The following SBK2 variants were observed in gnomAD, a reference collection of about 807,000 sequenced individuals.
SBK2 encodes SH3 domain binding kinase family member 2.
A neutral mutation model predicts 15.9 loss-of-function variants in SBK2; 18 were observed. The observed-to-expected ratio is 1.13, with a 90% CI of 0.78 to 1.68. The LOEUF (loss-of-function observed/expected upper bound fraction) is 1.68, where lower values mean the gene tolerates loss of function less well. Ranked by LOEUF, SBK2 falls within the 40% of genes most tolerant of loss-of-function variation. The probability of loss-of-function intolerance (pLI) is 0.00; values close to 1 mark genes in which losing one functional copy is unlikely to be tolerated. For missense variants in SBK2, 581 were observed against 510.9 expected, an observed-to-expected ratio of 1.14 and a Z score of -1.32; for synonymous variants, 284 against 246.8, an observed-to-expected ratio of 1.15 and a Z score of -1.41.
rs1261780326 is a variant in SBK2, at chr19:55,536,129, C to T, written c.166G>A (p.Ala56Thr). Residue 56 changes from alanine (A) to threonine (T), a missense_variant, in exon 2 of 4, where the codon GCC (alanine) becomes ACC (threonine). By Grantham distance (58) the Ala-to-Thr change is moderately conservative. Transcript: ENST00000413299. ...TCCTCGTAGAGCTCGTCCACCTCGG[C>T]TCGGACCAGGGTCTGAGCACTCAGC... ...MTLSAQTLVR[A>T]EVDELYEEVR... 3 of 1,569,210 alleles carry T rather than the reference C, an allele frequency of 1.9e-6. No homozygotes were observed. Among genetic ancestry groups the T allele is most frequent in the Non-Finnish European group, 2.6e-6 (3 of 1,156,932 alleles).
At position 55,530,187 on chromosome 19, in the gene SBK2, C is replaced by T; in HGVS notation, c.593G>A (p.Arg198His). ...GTGGCCGAAGTCGGTCAGCTTGAAG[C>T]GCCGGCAGGCCGGGTCGCACACCAG... ...NVLVCDPACR[R>H]FKLTDFGHTR... The change falls in exon 4 of 4, where the codon CGC becomes CAC. Residue 198 changes from arginine (R) to histidine (H), a missense_variant. Arg to His is a conservative substitution (Grantham distance 29). Coordinates refer to ENST00000413299, the MANE Select transcript of SBK2 (RefSeq NM_001370096.2). The T allele has an allele frequency of 6.5e-7, 1 of 1,531,930 alleles. No homozygotes were observed. 94.9% of individuals were successfully genotyped at this position (1,531,930 alleles called of 1,614,324 possible). A position where few individuals can be genotyped will look rare whatever the true frequency, so the allele number is the denominator to read the frequency against.
rs529829655 is a variant in SBK2 at position 55,530,031 on chromosome 19, C to T, written c.749G>A (p.Gly250Asp). The T allele has an allele frequency of 1.2e-4, 178 of 1,497,206 alleles. No homozygotes were observed. In the African/African-American group the frequency reaches 2.4e-3, roughly 20 times the overall value. The allele number at this position is 1,497,206 out of a possible 1,614,324, so 92.7% of individuals were successfully genotyped here. A position where few individuals can be genotyped will look rare whatever the true frequency, so the allele number is the denominator to read the frequency against. ...CGTGAGGAGGCAGAAGAGCAGGACG[C>T]CCAGCGCCCAGGCGTCCAGGGCGGG... Reference protein sequence around the residue: ...IQPALDAWALGVLLFCLLTGY... With the variant: ...IQPALDAWALDVLLFCLLTGY... The change falls in exon 4 of 4, where the codon GGC becomes GAC. Residue 250 changes from glycine to aspartate, a missense_variant. Transcript: ENST00000413299.
intron 2 of SBK2, among the ~76,000 whole-genome samples, chr19:55,533,347 A>G (rs1020357749): frequency 6.0e-5 from 9 of 149,246 alleles, no homozygotes; most frequent in African/African-American, 2.2e-4. Flanking sequence ...AAAAAGAAAA[A>G]AAAGGAAAAG....
chr19:55,531,908 G>A (rs1259452453), intron 2 of SBK2, among the ~76,000 whole-genome samples: 1 of 152,066 alleles, frequency 6.6e-6, no homozygotes, highest in East Asian at 1.9e-4. Context: ...GAACCCAGGA[G>A]GCAGAGGTTG....
intron 3 of SBK2, 100 bp from the exon 4 acceptor site, chr19:55,530,423 C>CGGT: frequency 8.7e-7 from 1 of 1,144,760 alleles, no homozygotes; most frequent in Non-Finnish European, 1.2e-6. Flanking sequence ...GTAAGGAAGA[C>CGGT]GGTGAATAGT....
chr19:55,530,518 TG>T (rs1252194972), intron 3 of SBK2, among the ~76,000 whole-genome samples, 195 bp from the exon 4 acceptor site: 11 of 11,010 alleles, frequency 1.0e-3, no homozygotes, highest in Non-Finnish European at 2.3e-3. Context: ...GTGTGACCTG[TG>T]AGGCCTGTGG....
Position 55,530,336 on chromosome 19 carries a change from G to A in SBK2, c.457-13C>T. 7.2e-7 allele frequency: 1 copy of A among 1,396,000 alleles called. No individual in the cohort carries two copies. Among genetic ancestry groups the A allele is most frequent in the Non-Finnish European group, 9.3e-7 (1 of 1,078,752 alleles). 86.5% of individuals were successfully genotyped at this position (1,396,000 alleles called of 1,614,324 possible). On this transcript the variant is annotated splice_polypyrimidine_tract_variant and intron_variant, in intron 3 of 3. Coordinates refer to ENST00000413299, the MANE Select transcript of SBK2 (RefSeq NM_001370096.2). Reference sequence around the variant, plus strand: ...GCGGGAGGCCCACCTGCGGGGAGAGGGGTCAGGGCCCAGTGCCCCGGGGCC... The same window carrying A: ...GCGGGAGGCCCACCTGCGGGGAGAGAGGTCAGGGCCCAGTGCCCCGGGGCC...
At chr19:55,534,717 A>AAAG (rs1555770637) in intron 2 of SBK2, among the ~76,000 whole-genome samples, 31 of 143,850 alleles carry the variant, frequency 2.2e-4, no homozygotes, top group African/African-American at 7.7e-4. Flanking sequence ...AAAAAAAAAA[A>AAAG]AAAGAAAAAA....
At chr19:55,533,570 G>C (rs8104756) in intron 2 of SBK2, among the ~76,000 whole-genome samples, 1 of 93,688 alleles carries the variant, frequency 1.1e-5, no homozygotes. Flanking sequence ...GGAGAATGGC[G>C]TGAACCCGGG....
rs185273324 is a variant in SBK2 at position 55,529,621 on chromosome 19, G to T, written c.*112C>A. 431 of 1,408,308 alleles carry T rather than the reference G, an allele frequency of 3.1e-4. 5 individuals carry two copies. In the East Asian group the frequency reaches 0.011, roughly 35 times the overall value. The allele number at this position is 1,408,308 out of a possible 1,614,324, so 87.2% of individuals were successfully genotyped here. A position where few individuals can be genotyped will look rare whatever the true frequency, so the allele number is the denominator to read the frequency against. On this transcript the variant is annotated 3_prime_UTR_variant, in exon 4 of 4. Transcript: ENST00000413299. Reference sequence around the variant, plus strand: ...AGAGAGGAGAGAGGAGGAGGACGCCGAGGGGAATCCCAAGCCCCATGGATG... The same window carrying T: ...AGAGAGGAGAGAGGAGGAGGACGCCTAGGGGAATCCCAAGCCCCATGGATG...
chr19:55,532,295 C>CTTTTTTTTTTTTTT (rs540857379), intron 2 of SBK2, among the ~76,000 whole-genome samples: 1 of 77,064 alleles, frequency 1.3e-5, no homozygotes. Context: ...TGATGTCTTC[C>CTTTTTTTTTTTTTT]TTTTTTTTTT....
Position 55,530,042 on chromosome 19 carries a change from G to A in SBK2, c.738C>T (p.Ala246=). The A allele has an allele frequency of 1.4e-6, 2 of 1,477,444 alleles. No individual in the cohort carries two copies. The highest frequency in any genetic ancestry group is 8.9e-7 in the Non-Finnish European group (1 of 1,118,836). 91.5% of individuals were successfully genotyped at this position (1,477,444 alleles called of 1,614,324 possible). A position where few individuals can be genotyped will look rare whatever the true frequency, so the allele number is the denominator to read the frequency against. ...AGAAGAGCAGGACGCCCAGCGCCCAGGCGTCCAGGGCGGGCTGAATGGGCA... is the reference window on the plus strand; with the variant it reads ...AGAAGAGCAGGACGCCCAGCGCCCAAGCGTCCAGGGCGGGCTGAATGGGCA... ...EGLPIQPALD[A]WALGVLLFCL... The change falls in exon 4 of 4, where the codon GCC becomes GCT. Residue 246 remains alanine (A), a synonymous_variant. Transcript: ENST00000413299.
chr19:55,534,117 A>G (rs1425089735), intron 2 of SBK2, among the ~76,000 whole-genome samples: 1 of 152,158 alleles, frequency 6.6e-6, no homozygotes, highest in African/African-American at 2.4e-5. Context: ...TGAATTGTGT[A>G]TCCCCAAAAC....
chr19:55,532,790 C>G (rs961728506), intron 2 of SBK2, among the ~76,000 whole-genome samples: 5 of 151,826 alleles, frequency 3.3e-5, no homozygotes, highest in African/African-American at 1.2e-4. Context: ...GATTTTTTTC[C>G]CTGACACCAG....
At chr19:55,536,448 G>T in intron 1 of SBK2, 152 bp from the exon 2 acceptor site, 1 of 620,244 alleles carries the variant, frequency 1.6e-6, no homozygotes, top group Non-Finnish European at 2.3e-6. Flanking sequence ...GAGAGGTGGG[G>T]AGACAAGTCT....
chr19:55,530,401 C>T, intron 3 of SBK2, 78 bp from the exon 4 acceptor site: 3 of 1,284,672 alleles, frequency 2.3e-6, no homozygotes, highest in Non-Finnish European at 3.1e-6. Context: ...GCCCAGGACG[C>T]CAAGGAGGCC....
chr19:55,533,894 G>T (rs889055051), intron 2 of SBK2, among the ~76,000 whole-genome samples: 2 of 151,886 alleles, frequency 1.3e-5, no homozygotes, highest in Non-Finnish European at 1.5e-5. Flanking sequence ...CATGTTCAGG[G>T]CCCCAGCATC....
chr19:55,531,368 G>A, intron 2 of SBK2, 23 bp from the exon 3 acceptor site: 1 of 1,572,550 alleles, frequency 6.4e-7, no homozygotes, highest in Non-Finnish European at 8.6e-7. Context: ...GGACAGGTAT[G>A]GGAGGCGTGC....
intron 2 of SBK2, among the ~76,000 whole-genome samples, chr19:55,532,470 T>G (rs1988294296): frequency 6.7e-6 from 1 of 150,226 alleles, no homozygotes; most frequent in South Asian, 2.1e-4. Flanking sequence ...ACCTAGCTAA[T>G]TTTTGTATTT....
Sources: gnomAD v4.1 joint callset for allele counts (sites outside exome capture counted in the v4.1 genomes callset) on GRCh38, gnomAD v4.1.1 for gene constraint, MANE v1.5 for transcripts, NCBI Gene and HGNC (gene_info 2026-07-23, HGNC 2026-07-21) for gene names.